The following NRG3 variants were observed in gnomAD, a reference collection of about 807,000 sequenced individuals.
NRG3 encodes the protein pro-neuregulin-3, membrane-bound isoform.
A neutral mutation model predicts 66.9 loss-of-function variants in NRG3; 31 were observed. That is an observed-to-expected ratio of 0.46 (90% CI 0.35 to 0.63). NRG3 has a LOEUF of 0.63. Ranked by LOEUF, NRG3 falls within the 20% of genes least tolerant of loss-of-function variation. The pLI is 0.00. For synonymous variants in NRG3, 393 were observed against 359.4 expected, an observed-to-expected ratio of 1.09 and a Z score of -1.06; for missense variants, 910 against 878.9, an observed-to-expected ratio of 1.04 and a Z score of -0.45.
At chr10:82,010,305 T>C (rs1321593679) in intron 1 of NRG3, among the ~76,000 whole-genome samples, 2 of 152,178 alleles carry the variant, frequency 1.3e-5, no homozygotes, top group Admixed American at 1.3e-4. Context: ...ACTGTGCTGT[T>C]GTAAAAGGGG....
intron 2 of NRG3, among the ~76,000 whole-genome samples, chr10:82,699,254 AGG>A (rs2055644743): frequency 1.5e-5 from 1 of 65,630 alleles, no homozygotes; most frequent in African/African-American, 1.7e-4. Context: ...GAAAGAGGGA[AGG>A]AAGGAAGGAA....
intron 1 of NRG3, among the ~76,000 whole-genome samples, chr10:82,260,052 T>C (rs2077944413): frequency 6.6e-6 from 1 of 152,222 alleles, no homozygotes; most frequent in African/African-American, 2.4e-5. Flanking sequence ...CTATTCCCTG[T>C]CCCACAAAAT....
At chr10:82,440,847 G>C (rs894840642) in intron 2 of NRG3, among the ~76,000 whole-genome samples, 8 of 151,988 alleles carry the variant, frequency 5.3e-5, no homozygotes. Flanking sequence ...TTATGCTTTG[G>C]TTGCAAATGT....
At chr10:82,083,444 C>T (rs547692477) in intron 1 of NRG3, among the ~76,000 whole-genome samples, 160 of 152,194 alleles carry the variant, frequency 1.1e-3, no homozygotes, top group Non-Finnish European at 1.8e-3. Flanking sequence ...TGGCTCATAC[C>T]TGGGGATACA....
chr10:81,875,440 G>C lies in NRG3; in HGVS notation c.100G>C (p.Ala34Pro). 1 of 1,180,110 alleles carries C rather than the reference G, an allele frequency of 8.5e-7. No homozygotes were observed. Among genetic ancestry groups the C allele is most frequent in the Non-Finnish European group, 1.0e-6 (1 of 955,384 alleles). The allele number at this position is 1,180,110 out of a possible 1,614,324, so 73.1% of individuals were successfully genotyped here. A position where few individuals can be genotyped will look rare whatever the true frequency, so the allele number is the denominator to read the frequency against. The stretch of plus-strand genomic sequence containing the variant: ...CGCGGCGGCTGCGGCGGCGGCAGCG[G>C]CGGGCGGGGGCCCGGACGGCGGCGG... ...GTAAAAAAAA[A>P]GGGPDGGGEG... is the part of the protein sequence containing the mutation. Residue 34 changes from alanine to proline, a missense_variant, in exon 1 of 9, where the codon GCG (alanine) becomes CCG (proline). Physicochemically the swap from Ala to Pro is conservative, Grantham distance 27. Transcript: ENST00000372141. This position sits in a 1 kb window ranked among gnomAD's most constrained non-coding sequence, Gnocchi z 5.3.
intron 2 of NRG3, among the ~76,000 whole-genome samples, chr10:82,692,577 T>A (rs1404780226): frequency 6.6e-6 from 1 of 152,136 alleles, no homozygotes; most frequent in Non-Finnish European, 1.5e-5. Flanking sequence ...CCTCCCAAAT[T>A]GAATACCAGG....
intron 2 of NRG3, among the ~76,000 whole-genome samples, chr10:82,614,372 C>A (rs907632775): frequency 2.0e-5 from 3 of 152,184 alleles, no homozygotes; most frequent in Non-Finnish European, 2.9e-5. Flanking sequence ...TCACAAATTA[C>A]AGGTGCAGCA....
At chr10:81,943,748 A>C (rs923144768) in intron 1 of NRG3, among the ~76,000 whole-genome samples, 1 of 152,244 alleles carries the variant, frequency 6.6e-6, no homozygotes, top group African/African-American at 2.4e-5. Flanking sequence ...CAAAGGCTTC[A>C]TCAGCTAGAA....
chr10:82,473,349 C>A (rs183777992), intron 2 of NRG3, among the ~76,000 whole-genome samples: 1 of 152,214 alleles, frequency 6.6e-6, no homozygotes. Flanking sequence ...CCAAATGCAG[C>A]CAGCGTCATG....
intron 2 of NRG3, among the ~76,000 whole-genome samples, chr10:82,713,119 C>CAAAAAAAAAAAAAAA (rs369968319): frequency 3.6e-5 from 2 of 55,344 alleles, no homozygotes; most frequent in Non-Finnish European, 6.1e-5. Context: ...GACTTCATCT[C>CAAAAAAAAAAAAAAA]AAAAAAAAAA....
In NRG3 at chr10:82,555,268, G is replaced by A. The variant is rs1590650554; in HGVS notation, c.954-183309G>A. Among the ~76,000 whole-genome samples, 3 of 151,896 alleles carry A rather than the reference G, an allele frequency of 2.0e-5. No homozygotes were observed. The East Asian group carries it at 5.8e-4, about 29-fold the overall frequency. ...ATTACTCATTCTATTTTAGTTCCAG[G>A]GTGGCAAATTCTCAATGCTATTTAA... On this transcript the variant is annotated intron_variant, in intron 2 of 8. Transcript: ENST00000372141.
At chr10:82,566,474 AAAG>A (rs1565077170) in intron 2 of NRG3, among the ~76,000 whole-genome samples, 2 of 151,986 alleles carry the variant, frequency 1.3e-5, no homozygotes, top group Non-Finnish European at 2.9e-5. Context: ...CTGTGGGTGA[AAAG>A]AAGAAGGCAT....
At chr10:82,731,345 T>A (rs1333280534) in intron 2 of NRG3, among the ~76,000 whole-genome samples, 1 of 142,460 alleles carries the variant, frequency 7.0e-6, no homozygotes, top group East Asian at 2.1e-4. Flanking sequence ...CCAGCCTGGG[T>A]TACAGAGAGA....
chr10:82,231,658 T>C (rs972170576), intron 1 of NRG3, among the ~76,000 whole-genome samples: 1 of 152,200 alleles, frequency 6.6e-6, no homozygotes, highest in African/African-American at 2.4e-5. Flanking sequence ...CATTCCATAA[T>C]GGAAAATCTA....
intron 1 of NRG3, among the ~76,000 whole-genome samples, chr10:82,061,888 C>T (rs2064174442): frequency 6.6e-6 from 1 of 151,934 alleles, no homozygotes; most frequent in Non-Finnish European, 1.5e-5. Context: ...CACACACACA[C>T]ACATACATCT....
intron 1 of NRG3, among the ~76,000 whole-genome samples, chr10:81,999,384 T>C (rs2061077465): frequency 6.6e-6 from 1 of 152,212 alleles, no homozygotes; most frequent in Admixed American, 6.5e-5. Context: ...TAAGTTATTT[T>C]GAAGAATTGA....
chr10:82,865,902 T>C (rs1277127161), intron 4 of NRG3, among the ~76,000 whole-genome samples: 40 of 152,202 alleles, frequency 2.6e-4, no homozygotes, highest in Non-Finnish European at 5.9e-5. Flanking sequence ...TGGATACATT[T>C]TGGTATCAAT....
chr10:82,763,340 A>T (rs531854167), intron 3 of NRG3, among the ~76,000 whole-genome samples: 5 of 152,294 alleles, frequency 3.3e-5, no homozygotes, highest in African/African-American at 1.2e-4. Context: ...AGAAATATCC[A>T]TTTATCCTTA....
At chr10:82,055,224 A>ATCCCAGC (rs1193247263) in intron 1 of NRG3, among the ~76,000 whole-genome samples, 1 of 152,060 alleles carries the variant, frequency 6.6e-6, no homozygotes, top group Non-Finnish European at 1.5e-5. Context: ...CACTCCTGTA[A>ATCCCAGC]TCCCAGCACT....
Sources: gnomAD v4.1 joint callset for allele counts (sites outside exome capture counted in the v4.1 genomes callset) on GRCh38, gnomAD v4.1.1 for gene constraint, Gnocchi (gnomAD v3.1) non-coding constraint, MANE v1.5 for transcripts, NCBI Gene and HGNC (gene_info 2026-07-23, HGNC 2026-07-21) for gene names.